The following FASN variants were observed in gnomAD, a reference collection of about 807,000 sequenced individuals.
The protein encoded by FASN is fatty acid synthase, also known as 3-hydroxyacyl-[acyl-carrier-protein] dehydratase.
FASN carries 50 observed loss-of-function variants against 250.0 expected under a neutral mutation model. That is an observed-to-expected ratio of 0.20 (90% CI 0.16 to 0.25). The LOEUF (loss-of-function observed/expected upper bound fraction) is 0.25, where lower values mean the gene tolerates loss of function less well. FASN is among the 10% of genes least tolerant of loss of function. The pLI, the probability that FASN is intolerant of heterozygous loss-of-function variation, is 1.00. For missense variants in FASN, 3,031 were observed against 3,498.5 expected (o/e 0.87, Z 3.37); for synonymous variants, 1,909 against 1,584.0 (o/e 1.21, Z -4.87).
chr17:82,097,716 C>T (rs1157604569), intron 1 of FASN, among the ~76,000 whole-genome samples: 1 of 152,062 alleles, frequency 6.6e-6, no homozygotes, highest in Non-Finnish European at 1.5e-5. Flanking sequence ...CCCCTGCGCC[C>T]CCCCGTTCCT....
chr17:82,090,773 G>C, intron 10 of FASN, 109 bp downstream of exon 10: 1 of 1,293,800 alleles, frequency 7.7e-7, no homozygotes, highest in South Asian at 1.3e-5. Context: ...GCTCTGCCTA[G>C]CAAAGGGGCT....
At position 82,084,535 on chromosome 17, in the gene FASN, C is replaced by T. The variant is rs763167490; in HGVS notation, c.4746G>A (p.Lys1582=). The T allele has an allele frequency of 6.2e-7, 1 of 1,610,928 alleles. No homozygotes were observed. Among genetic ancestry groups the T allele is most frequent in the Non-Finnish European group, 8.5e-7 (1 of 1,179,248 alleles). The change falls in exon 27 of 43, where the codon AAG becomes AAA. Residue 1582 remains lysine, a synonymous_variant. Coordinates refer to ENST00000306749, the MANE Select transcript of FASN (RefSeq NM_004104.5). The part of the protein sequence containing the change: ...NFRDIMLATG[K]LSPDAIPGKW... ...TACCTGGGATGGCATCAGGGGACAG[C>T]TTGCCAGTGGCCAGCATGATGTCGC...
At position 82,080,546 on chromosome 17, in the gene FASN, C is replaced by T. The variant is rs1180994609; in HGVS notation, c.6871G>A (p.Asp2291Asn). ...SIHSLAAYYI[D>N]CIRQVQPEGP... The stretch of plus-strand genomic sequence containing the variant: ...TCGGGCTGCACCTGCCTGATGCAGT[C>T]GATGTAGTAGGCAGCCAGGCTGTGG... The change falls in exon 40 of 43, where the codon GAC becomes AAC. Residue 2291 changes from aspartate (D) to asparagine (N), a missense_variant. Coordinates refer to ENST00000306749, the MANE Select transcript of FASN (RefSeq NM_004104.5). 6 of 1,560,538 alleles carry T rather than the reference C, an allele frequency of 3.8e-6. No individual in the cohort carries two copies. The highest frequency in any genetic ancestry group is 5.2e-6 in the Non-Finnish European group (6 of 1,153,522).
In FASN at chr17:82,095,304, C is replaced by T. The variant is rs764216408; in HGVS notation, c.280+16G>A. On this transcript the variant is annotated intron_variant, in intron 3 of 42. Transcript: ENST00000306749. ...GCAGGAGCCCTCGGCGCAGCAGTCG[C>T]GAATGCCCGACCCACCTCCGTCCAC... 1.5e-5 allele frequency: 24 copies of T among 1,612,594 alleles called. No individual in the cohort carries two copies. In the East Asian group the frequency reaches 1.8e-4, roughly 12 times the overall value.
rs760239419 is a variant in FASN at position 82,092,607 on chromosome 17, G to C, written c.895-18C>G. On this transcript the variant is annotated intron_variant, in intron 7 of 42. Coordinates refer to ENST00000306749, the MANE Select transcript of FASN (RefSeq NM_004104.5). ...TCGCCCACCTGTGGGAAACATGGGG[G>C]GTGAGGGGCTCTGGCCAGGTCACCT... 1 of 1,605,134 alleles carries C rather than the reference G, an allele frequency of 6.2e-7. No homozygotes were observed. The highest frequency in any genetic ancestry group is 8.5e-7 in the Non-Finnish European group (1 of 1,179,636).
rs2034244205 is a variant in FASN, at chr17:82,093,197, G to A, written c.655+22C>T. On this transcript the variant is annotated intron_variant, in intron 5 of 42. Coordinates refer to ENST00000306749, the MANE Select transcript of FASN (RefSeq NM_004104.5). ...CCTGTGCCACTGTCCCGCCTGCCCT[G>A]GCCGCGCAGCCGCACACTCACCCGC... is the stretch of plus-strand genomic sequence containing the variant. 4 of 1,559,094 alleles carry A rather than the reference G, an allele frequency of 2.6e-6. No individual in the cohort carries two copies. The East Asian group carries it at 9.5e-5, about 37-fold the overall frequency.
Position 82,084,710 on chromosome 17 carries a change from G to T in FASN, c.4571C>A (p.Pro1524His). Reference protein sequence around the residue: ...FRHFLLEEDKPEEPTAHAFVS... With the variant: ...FRHFLLEEDKHEEPTAHAFVS... ...AAAGGCATGTGCCGTCGGCTCCTCAGGCTTGTCTAGGGAAACAGGGAGGTG... is the reference window on the plus strand; with the variant it reads ...AAAGGCATGTGCCGTCGGCTCCTCATGCTTGTCTAGGGAAACAGGGAGGTG... The change falls in exon 27 of 43, where the codon CCT (proline) becomes CAT (histidine). Residue 1524 changes from proline (P) to histidine (H), a missense_variant. Coordinates refer to ENST00000306749, the MANE Select transcript of FASN (RefSeq NM_004104.5). 3.2e-6 allele frequency: 5 copies of T among 1,560,924 alleles called. No homozygotes were observed. The highest frequency in any genetic ancestry group is 4.3e-6 in the Non-Finnish European group (5 of 1,152,860).
rs1297927658 is a variant in FASN, at chr17:82,089,477, C to T, written c.1966-93G>A. 7.5e-6 allele frequency: 12 copies of T among 1,604,714 alleles called. No homozygotes were observed. In the Admixed American group the frequency reaches 8.4e-5, roughly 11 times the overall value. ...CGCACCCACCTCACCCCAAGGGAAC[C>T]GAGAGGGAATGGGCAAGGGACCTGA... On this transcript the variant is annotated intron_variant, in intron 12 of 42. Coordinates refer to ENST00000306749, the MANE Select transcript of FASN (RefSeq NM_004104.5).
At position 82,092,681 on chromosome 17, in the gene FASN, G is replaced by C. The variant is rs764956123; in HGVS notation, c.894+16C>G. The C allele has an allele frequency of 5.4e-4, 355 of 660,704 alleles. 2 individuals are homozygous for C. Among genetic ancestry groups the C allele is most frequent in the Non-Finnish European group, 1.7e-4 (96 of 556,060 alleles). 40.9% of individuals were successfully genotyped at this position (660,704 alleles called of 1,614,324 possible). A position where few individuals can be genotyped will look rare whatever the true frequency, so the allele number is the denominator to read the frequency against. On this transcript the variant is annotated intron_variant, in intron 7 of 42. Coordinates refer to ENST00000306749, the MANE Select transcript of FASN (RefSeq NM_004104.5). Reference sequence around the variant, plus strand: ...GCTCATGGGGTGGTGAGTGGGGCGGGGGGGGGGGGCATCACCTTGGTGCCT... The same window carrying C: ...GCTCATGGGGTGGTGAGTGGGGCGGCGGGGGGGGGCATCACCTTGGTGCCT...
intron 8 of FASN, 128 bp from the exon 9 acceptor site, chr17:82,091,812 G>T: frequency 1.2e-6 from 1 of 833,966 alleles, no homozygotes. Context: ...TGCACTTCCT[G>T]TCCCCAACCT....
chr17:82,081,067 G>T, intron 38 of FASN, 97 bp downstream of exon 38: 1 of 1,460,486 alleles, frequency 6.8e-7, no homozygotes, highest in East Asian at 2.5e-5. Context: ...CACCCGTGAC[G>T]AAGGGCGGTA....
In FASN at chr17:82,083,523, G is replaced by T. The variant is rs753834341; in HGVS notation, c.5335C>A (p.Pro1779Thr). 2 of 1,612,840 alleles carry T rather than the reference G, an allele frequency of 1.2e-6. No homozygotes were observed. Among genetic ancestry groups the T allele is most frequent in the Non-Finnish European group, 1.7e-6 (2 of 1,179,998 alleles). ...IGKFDLSQNH[P>T]LGMAIFLKNV... is the part of the protein sequence containing the mutation. The stretch of plus-strand genomic sequence containing the variant: ...CAGGCGCTGCCGGCCTCACCGAGCG[G>T]GTGGTTCTGAGAAAGGTCGAATTTG... The change falls in exon 31 of 43, where the codon CCG (proline) becomes ACG (threonine). Residue 1779 changes from proline to threonine, a missense_variant. Transcript: ENST00000306749.
At position 82,083,295 on chromosome 17, in the gene FASN, C is replaced by T. The variant is rs763407100; in HGVS notation, c.5472G>A (p.Arg1824=). Reference sequence around the variant, plus strand: ...CATGGAACACCGTGCACTTGAGGGGCCGTACCACCCCATCCCGGATGCCGG... The same window carrying T: ...CATGGAACACCGTGCACTTGAGGGGTCGTACCACCCCATCCCGGATGCCGG... ...VQAGIRDGVV[R]PLKCTVFHGA... Residue 1824 remains arginine, a synonymous_variant, in exon 32 of 43, where the codon CGG becomes CGA. Transcript: ENST00000306749. 1 of 1,612,778 alleles carries T rather than the reference C, an allele frequency of 6.2e-7. No homozygotes were observed. The highest frequency in any genetic ancestry group is 2.2e-5 in the East Asian group (1 of 44,882).
intron 35 of FASN, 66 bp from the exon 36 acceptor site, chr17:82,082,226 G>C: frequency 6.2e-7 from 1 of 1,601,802 alleles, no homozygotes; most frequent in Non-Finnish European, 8.5e-7. Context: ...CCCATCCCCA[G>C]GAAACGCCAG....
chr17:82,086,383 C>G lies in FASN; in HGVS notation c.3603G>C (p.Val1201=). The G allele has an allele frequency of 1.2e-6, 2 of 1,609,702 alleles. No homozygotes were observed. Among genetic ancestry groups the G allele is most frequent in the Non-Finnish European group, 1.7e-6 (2 of 1,179,782 alleles). ...GCAGCTTGGGCCTCTCCTGGGCCAG[C>G]ACCTGCGCCAGCTCCAGCTGCAGGT... ...NGNLQLELAQ[V]LAQERPKLPE... Residue 1201 remains valine, a synonymous_variant, in exon 22 of 43, where the codon GTG becomes GTC. Transcript: ENST00000306749.
chr17:82,091,277 G>A lies in FASN; in HGVS notation c.1437C>T (p.Gly479=), dbSNP rs1223190740. 1.9e-6 allele frequency: 3 copies of A among 1,606,278 alleles called. No homozygotes were observed. Among genetic ancestry groups the A allele is most frequent in the Non-Finnish European group, 1.7e-6 (2 of 1,177,006 alleles). Residue 479 remains glycine (G), a synonymous_variant, in exon 9 of 43, where the codon GGC becomes GGT. Coordinates refer to ENST00000306749, the MANE Select transcript of FASN (RefSeq NM_004104.5). ...CAGCGGGCACCTGCTGCACCTCTGGGCCACCGCGCTCACCACCCAGCACAG... is the reference window on the plus strand; with the variant it reads ...CAGCGGGCACCTGCTGCACCTCTGGACCACCGCGCTCACCACCCAGCACAG... The part of the protein sequence containing the change: ...GYAVLGGERG[G]PEVQQVPAGE...
At chr17:82,097,158 TCCA>T in intron 1 of FASN, 1 of 157,558 alleles carries the variant, frequency 6.3e-6, no homozygotes, top group Non-Finnish European at 1.4e-5. Context: ...TCCAGCAGGG[TCCA>T]ACCTGGAGAA....
rs1347530275 is a variant in FASN at position 82,096,284 on chromosome 17, A to T, written c.127+35T>A. ...AGGACAAAGGTGGAGATGGAGCTTC[A>T]CACCCCAGGCACGGGGAGCCCCGCA... On this transcript the variant is annotated intron_variant, in intron 2 of 42. Transcript: ENST00000306749. 3 of 1,609,196 alleles carry T rather than the reference A, an allele frequency of 1.9e-6. No individual in the cohort carries two copies. In the Admixed American group the frequency reaches 5.0e-5, roughly 27 times the overall value.
chr17:82,080,277 C>CG (rs2033963329), intron 40 of FASN, 39 bp from the exon 41 acceptor site: 2 of 1,611,208 alleles, frequency 1.2e-6, no homozygotes, highest in Middle Eastern at 1.7e-4. Context: ...ATGGAAGGGG[C>CG]GGGGCCTCCT....
Sources: allele counts gnomAD v4.1 joint callset (sites outside exome capture counted in the v4.1 genomes callset), GRCh38; gene constraint gnomAD v4.1.1; transcripts MANE v1.5; gene names NCBI Gene and HGNC (gene_info 2026-07-23, HGNC 2026-07-21).